Variants in TYR observed in about 807,000 individuals in gnomAD.
TYR encodes LB24-AB.
A neutral mutation model predicts 51.5 loss-of-function variants in TYR; 58 were observed. That is an observed-to-expected ratio of 1.13 (90% CI 0.91 to 1.40). The LOEUF (loss-of-function observed/expected upper bound fraction) is 1.40, where lower values mean the gene tolerates loss of function less well. TYR is among the 40% of genes most tolerant of loss of function. TYR has a pLI of 0.00. For synonymous variants in TYR, 263 were observed against 235.2 expected (o/e 1.12, Z -1.08); for missense variants, 732 against 647.4 (o/e 1.13, Z -1.42).
At chr11:89,269,002 T>C (rs1016542360) in intron 3 of TYR, among the ~76,000 whole-genome samples, 1 of 151,990 alleles carries the variant, frequency 6.6e-6, no homozygotes, top group African/African-American at 2.4e-5. Flanking sequence ...TATACACATC[T>C]TTAAGAGCAT....
chr11:89,247,920 G>A (rs1439695046), intron 3 of TYR, among the ~76,000 whole-genome samples: 4 of 152,168 alleles, frequency 2.6e-5, no homozygotes, highest in Non-Finnish European at 4.4e-5. Flanking sequence ...TCAGAGCCAA[G>A]GGATGAACAG....
intron 3 of TYR, among the ~76,000 whole-genome samples, chr11:89,270,964 T>C (rs552895273): frequency 3.4e-4 from 52 of 151,874 alleles, no homozygotes; most frequent in African/African-American, 1.3e-3. Context: ...ATAACTGCAA[T>C]GCAATATGAC....
chr11:89,295,261 T>C lies in TYR; in HGVS notation c.1485T>C (p.Leu495=). The C allele has an allele frequency of 6.2e-7, 1 of 1,613,938 alleles. No individual in the cohort carries two copies. The highest frequency in any genetic ancestry group is 8.5e-7 in the Non-Finnish European group (1 of 1,179,852). ...GAVLTALLAG[L]VSLLCRHKRK... is the part of the protein sequence containing the mutation. ...TCCTCACTGCCCTGCTGGCAGGGCT[T>C]GTGAGCTTGCTGTGTCGTCACAAGA... Residue 495 remains leucine, a synonymous_variant, in exon 5 of 5, where the codon CTT becomes CTC. Transcript: ENST00000263321.
chr11:89,222,797 A>G (rs954897858), intron 2 of TYR, among the ~76,000 whole-genome samples: 3 of 152,184 alleles, frequency 2.0e-5, no homozygotes, highest in African/African-American at 7.2e-5. Context: ...AATTTCCTAT[A>G]GGAATGTAGC....
chr11:89,251,949 G>A (rs368548013), intron 3 of TYR, among the ~76,000 whole-genome samples: 1 of 151,790 alleles, frequency 6.6e-6, no homozygotes, highest in Non-Finnish European at 1.5e-5. Flanking sequence ...CTTGAGAAAA[G>A]CCCTTACTGT....
intron 3 of TYR, among the ~76,000 whole-genome samples, chr11:89,251,713 A>G (rs1264968750): frequency 3.3e-5 from 5 of 151,912 alleles, no homozygotes; most frequent in Non-Finnish European, 7.4e-5. Context: ...AAAAAAAGTC[A>G]GGAGAAAAAG....
At chr11:89,273,800 C>A (rs1944619404) in intron 3 of TYR, among the ~76,000 whole-genome samples, 1 of 151,692 alleles carries the variant, frequency 6.6e-6, no homozygotes, top group South Asian at 2.1e-4. Context: ...CAAAGTGTCA[C>A]CAGGGTTGGT....
At chr11:89,198,123 G>A (rs1289860113) in intron 2 of TYR, among the ~76,000 whole-genome samples, 1 of 151,992 alleles carries the variant, frequency 6.6e-6, no homozygotes, top group African/African-American at 2.4e-5. Context: ...TGTATTTGCA[G>A]AGAAAAGCCA....
chr11:89,189,229 C>T (rs1041486217), intron 1 of TYR, among the ~76,000 whole-genome samples: 1 of 152,008 alleles, frequency 6.6e-6, no homozygotes, highest in Non-Finnish European at 1.5e-5. Context: ...CTCTCTGAGT[C>T]TCATTTTCCT....
Position 89,233,255 on chromosome 11 carries a change from T to G in TYR, c.1184+5285T>G, listed in dbSNP as rs192911361. Among the ~76,000 whole-genome samples, 68 of 142,476 alleles carry G rather than the reference T, an allele frequency of 4.8e-4. 12 individuals are homozygous for G. The East Asian group carries it at 5.5e-3, about 11-fold the overall frequency. 93.5% of individuals were successfully genotyped at this position (142,476 alleles called of 152,430 possible). A position where few individuals can be genotyped will look rare whatever the true frequency, so the allele number is the denominator to read the frequency against. On this transcript the variant is annotated intron_variant, in intron 3 of 4. Coordinates refer to ENST00000263321, the MANE Select transcript of TYR (RefSeq NM_000372.5). ...AAAATCAAATCCTCATGTGTTCAAG[T>G]TTTATCATGAGATTGCCACAATTCA...
At chr11:89,258,306 T>G (rs1484323259) in intron 3 of TYR, among the ~76,000 whole-genome samples, 1 of 152,022 alleles carries the variant, frequency 6.6e-6, no homozygotes, top group East Asian at 1.9e-4. Flanking sequence ...TAGCTATCTA[T>G]ATCAAATCAG....
rs373701660 is a variant in TYR at position 89,217,964 on chromosome 11, C to T, written c.1037-9859C>T. On this transcript the variant is annotated intron_variant, in intron 2 of 4. Transcript: ENST00000263321. ...ATGTTTTATGGGTGAATAGTTATTT[C>T]TATTAACTACTTTTTTAGAGTGAAG... Among the ~76,000 whole-genome samples the T allele has an allele frequency of 2.0e-5, 3 of 152,038 alleles. No homozygotes were observed. In the East Asian group the frequency reaches 5.8e-4, roughly 29 times the overall value.
chr11:89,265,357 C>T (rs1024149480), intron 3 of TYR, among the ~76,000 whole-genome samples: 2 of 152,026 alleles, frequency 1.3e-5, no homozygotes, highest in African/African-American at 4.8e-5. Flanking sequence ...AGAGTTGTCA[C>T]AACCACTCCA....
At chr11:89,183,407 T>C (rs1230986667) in intron 1 of TYR, among the ~76,000 whole-genome samples, 1 of 152,080 alleles carries the variant, frequency 6.6e-6, no homozygotes, top group Non-Finnish European at 1.5e-5. Context: ...TCTTTGACCT[T>C]TGTTTTTTCC....
chr11:89,247,636 T>C (rs1204754356), intron 3 of TYR, among the ~76,000 whole-genome samples: 1 of 152,128 alleles, frequency 6.6e-6, no homozygotes, highest in African/African-American at 2.4e-5. Context: ...TTAAAGAGAA[T>C]TTCAAGATCA....
intron 2 of TYR, among the ~76,000 whole-genome samples, chr11:89,210,822 T>G (rs1943744534): frequency 6.6e-6 from 1 of 151,346 alleles, no homozygotes; most frequent in African/African-American, 2.4e-5. Flanking sequence ...TCAACATTCT[T>G]AAATAATTTT....
chr11:89,214,796 A>G (rs1458365659), intron 2 of TYR, among the ~76,000 whole-genome samples: 2 of 152,202 alleles, frequency 1.3e-5, no homozygotes, highest in African/African-American at 4.8e-5. Flanking sequence ...TCAAAAGCCC[A>G]GAAATCAGGA....
intron 3 of TYR, among the ~76,000 whole-genome samples, chr11:89,256,395 A>G (rs1798677891): frequency 6.6e-6 from 1 of 151,624 alleles, no homozygotes; most frequent in Non-Finnish European, 1.5e-5. Context: ...CCCACATTCG[A>G]CTAGCTATAA....
At chr11:89,183,132 G>C (rs1423026005) in intron 1 of TYR, among the ~76,000 whole-genome samples, 1 of 151,864 alleles carries the variant, frequency 6.6e-6, no homozygotes, top group African/African-American at 2.4e-5. Context: ...CAAAATCTTT[G>C]CTCCCAAAAG....
Sources: gnomAD v4.1 joint callset for allele counts (sites outside exome capture counted in the v4.1 genomes callset) on GRCh38, gnomAD v4.1.1 for gene constraint, MANE v1.5 for transcripts, NCBI Gene and HGNC (gene_info 2026-07-23, HGNC 2026-07-21) for gene names.